Variants in ZFAT observed in about 807,000 individuals in gnomAD.
ZFAT encodes zinc finger protein ZFAT.
In ZFAT, 64 loss-of-function variants were observed where a neutral mutation model predicts 117.7. That is an observed-to-expected ratio of 0.54 (90% confidence interval 0.44 to 0.67). The LOEUF (loss-of-function observed/expected upper bound fraction) is 0.67, where lower values mean the gene tolerates loss of function less well. Ranked by LOEUF, ZFAT falls within the 30% of genes least tolerant of loss-of-function variation. The pLI, the probability that ZFAT is intolerant of heterozygous loss-of-function variation, is 0.00. For synonymous variants in ZFAT, 679 were observed against 615.0 expected (o/e 1.10, Z -1.54); for missense variants, 1,433 against 1,584.5 (o/e 0.90, Z 1.62).
chr8:134,521,257 C>T (rs531017140), intron 12 of ZFAT, among the ~76,000 whole-genome samples: 18 of 149,736 alleles, frequency 1.2e-4, no homozygotes, highest in Non-Finnish European at 2.1e-4. Context: ...ATGTGCCCAA[C>T]AGTTTAAATG....
chr8:134,799,346 T>C, the ZFAT span, among the ~76,000 whole-genome samples: 2 of 152,168 alleles, frequency 1.3e-5, no homozygotes, highest in Non-Finnish European at 2.9e-5. Flanking sequence ...ATAATTTTCG[T>C]TTTATACTTG....
chr8:134,657,768 T>A, intron 1 of ZFAT, 31 bp from the exon 2 acceptor site: 1 of 1,602,650 alleles, frequency 6.2e-7, no homozygotes, highest in Non-Finnish European at 8.5e-7. Context: ...AATATGTTAT[T>A]TCATCTCCAC....
At chr8:134,640,406 G>A (rs1830514500) in intron 2 of ZFAT, among the ~76,000 whole-genome samples, 1 of 152,128 alleles carries the variant, frequency 6.6e-6, no homozygotes, top group African/African-American at 2.4e-5. Flanking sequence ...GGTAGCCAGT[G>A]TTTTCTCCAC....
At chr8:134,703,364 G>A (rs1163440439) in intron 1 of ZFAT, among the ~76,000 whole-genome samples, 3 of 152,060 alleles carry the variant, frequency 2.0e-5, no homozygotes, top group Non-Finnish European at 1.5e-5. Context: ...TACAGACTAC[G>A]AGTTCCTTCA....
At chr8:134,805,499 C>G in the ZFAT span, among the ~76,000 whole-genome samples, 1 of 152,020 alleles carries the variant, frequency 6.6e-6, no homozygotes, top group African/African-American at 2.4e-5. Flanking sequence ...ATGTACAGTT[C>G]AAGGAAATGA....
the ZFAT span, among the ~76,000 whole-genome samples, chr8:134,824,912 G>C: frequency 2.0e-5 from 3 of 152,320 alleles, no homozygotes; most frequent in South Asian, 6.2e-4. Flanking sequence ...AACTGGTACA[G>C]TGCAGTGCTG....
upstream of ZFAT, among the ~76,000 whole-genome samples, chr8:134,713,958 T>C (rs190819418): frequency 4.7e-3 from 721 of 152,224 alleles, 6 homozygotes; most frequent in African/African-American, 0.016. Flanking sequence ...TCATGAGTAA[T>C]GAGTTGATGT....
intron 1 of ZFAT, among the ~76,000 whole-genome samples, chr8:134,692,753 T>C (rs1384530706): frequency 1.3e-5 from 2 of 152,248 alleles, no homozygotes; most frequent in African/African-American, 4.8e-5. Flanking sequence ...ACCAGATGCC[T>C]CGGGCTAAAG....
In ZFAT at chr8:134,712,930, A is replaced by AG. The variant is rs1200968310; in HGVS notation, c.-68dup. On this transcript the variant is annotated 5_prime_UTR_variant, in exon 1 of 16. Coordinates refer to ENST00000377838, the MANE Select transcript of ZFAT (RefSeq NM_020863.4). ...TCCGGGCCCCCTCCCGTGCCGACCG[A>AG]GGGGGCGGGGCGCCCTGCTGACGCT... is the stretch of plus-strand genomic sequence containing the variant. 2 of 1,447,398 alleles carry AG rather than the reference A, an allele frequency of 1.4e-6. No individual in the cohort carries two copies. Among genetic ancestry groups the AG allele is most frequent in the Admixed American group, 3.0e-5 (1 of 32,974 alleles). 89.7% of individuals were successfully genotyped at this position (1,447,398 alleles called of 1,614,324 possible).
chr8:134,502,294 A>G (rs946710082), intron 15 of ZFAT, among the ~76,000 whole-genome samples: 7 of 152,202 alleles, frequency 4.6e-5, no homozygotes, highest in African/African-American at 1.7e-4. Flanking sequence ...CCCTACCAGG[A>G]GCCCTTGTCC....
the ZFAT span, among the ~76,000 whole-genome samples, chr8:134,814,193 A>T: frequency 7.2e-4 from 109 of 152,332 alleles, no homozygotes; most frequent in African/African-American, 2.1e-3. Flanking sequence ...TAAGATTCAG[A>T]ATATGTTATA....
chr8:134,641,396 T>G (rs1830572303), intron 2 of ZFAT, among the ~76,000 whole-genome samples: 1 of 152,142 alleles, frequency 6.6e-6, no homozygotes, highest in South Asian at 2.1e-4. Flanking sequence ...ACCACCTCCT[T>G]CACTACCAAT....
chr8:134,581,045 G>A (rs866980904), intron 10 of ZFAT, among the ~76,000 whole-genome samples: 63 of 152,096 alleles, frequency 4.1e-4, no homozygotes, highest in African/African-American at 1.5e-3. Flanking sequence ...AAGATACAAA[G>A]AGCTGTAAGA....
chr8:134,604,531 T>G (rs369233853), intron 5 of ZFAT, among the ~76,000 whole-genome samples: 3 of 152,194 alleles, frequency 2.0e-5, no homozygotes, highest in African/African-American at 7.2e-5. Context: ...AGGAGGCAAA[T>G]GAGGCTTCTT....
intron 10 of ZFAT, among the ~76,000 whole-genome samples, chr8:134,570,183 C>T (rs1042442753): frequency 6.6e-6 from 1 of 152,182 alleles, no homozygotes; most frequent in Admixed American, 6.5e-5. Flanking sequence ...GCTCTGCTGC[C>T]TCATCTCCCT....
chr8:134,580,116 A>T (rs1057051312), intron 10 of ZFAT, among the ~76,000 whole-genome samples: 5 of 152,072 alleles, frequency 3.3e-5, no homozygotes, highest in Non-Finnish European at 7.4e-5. Context: ...CTGTCTTTTG[A>T]TCCTCAGACC....
intron 11 of ZFAT, among the ~76,000 whole-genome samples, chr8:134,553,141 C>T (rs1404591185): frequency 6.6e-6 from 1 of 152,120 alleles, no homozygotes; most frequent in Admixed American, 6.5e-5. Context: ...AGGGCAGGGC[C>T]ACTGAGGAGA....
intron 1 of ZFAT, among the ~76,000 whole-genome samples, chr8:134,681,426 A>G (rs1833065082): frequency 6.6e-6 from 1 of 152,226 alleles, no homozygotes; most frequent in Non-Finnish European, 1.5e-5. Context: ...GCCCAATGCC[A>G]GCTTCCCCTT....
chr8:134,652,920 T>G (rs189995246), intron 2 of ZFAT, among the ~76,000 whole-genome samples: 1 of 152,290 alleles, frequency 6.6e-6, no homozygotes, highest in African/African-American at 2.4e-5. Flanking sequence ...CCTAGGAATA[T>G]AGCCAACGTG....
Sources: gnomAD v4.1 joint callset for allele counts (sites outside exome capture counted in the v4.1 genomes callset) on GRCh38, gnomAD v4.1.1 for gene constraint, MANE v1.5 for transcripts, NCBI Gene and HGNC (gene_info 2026-07-23, HGNC 2026-07-21) for gene names.